Variants in C10orf90 observed in about 807,000 individuals in gnomAD.
C10orf90 encodes (E2-independent) E3 ubiquitin-conjugating enzyme FATS.
In C10orf90, 56 loss-of-function variants were observed where a neutral mutation model predicts 62.5. The observed-to-expected ratio is 0.90, with a 90% CI of 0.72 to 1.12. The LOEUF (loss-of-function observed/expected upper bound fraction) is 1.12. Ranked by LOEUF, C10orf90 falls within the 50% of genes most tolerant of loss-of-function variation. The pLI, the probability that C10orf90 is intolerant of heterozygous loss-of-function variation, is 0.00. For missense variants in C10orf90, 970 were observed against 880.4 expected, an observed-to-expected ratio of 1.10 and a Z score of -1.29; for synonymous variants, 386 against 340.4, an observed-to-expected ratio of 1.13 and a Z score of -1.47.
intron 2 of C10orf90, among the ~76,000 whole-genome samples, chr10:126,517,681 G>A (rs927347420): frequency 6.6e-6 from 1 of 152,140 alleles, no homozygotes; most frequent in African/African-American, 2.4e-5. Flanking sequence ...GGAGGCCAAG[G>A]CAGGTGGATC....
chr10:126,665,486 C>T lies in C10orf90; in HGVS notation c.240+4755G>A, dbSNP rs190107115. 9.0e-4 allele frequency among the ~76,000 whole-genome samples: 137 copies of T among 152,290 alleles called. 1 individual carries two copies. The highest frequency in any genetic ancestry group is 3.0e-3 in the African/African-American group (125 of 41,566). On this transcript the variant is annotated intron_variant, in intron 1 of 9. Transcript: ENST00000488181. ...ACAAGACTGAACGGTGTACTCCAAC[C>T]ACTGGAAAACATTCATCAAAGCCCA...
At chr10:126,568,559 G>T (rs888871458) in intron 2 of C10orf90, among the ~76,000 whole-genome samples, 1 of 152,074 alleles carries the variant, frequency 6.6e-6, no homozygotes, top group African/African-American at 2.4e-5. Flanking sequence ...AATCTCTTTC[G>T]ATTAACTCAA....
chr10:126,574,302 A>G (rs1312251956), intron 2 of C10orf90, among the ~76,000 whole-genome samples: 1 of 152,190 alleles, frequency 6.6e-6, no homozygotes, highest in Non-Finnish European at 1.5e-5. Flanking sequence ...ATGTATAAAG[A>G]GTTTCTAAAA....
chr10:126,649,865 T>C (rs746249452), intron 1 of C10orf90, among the ~76,000 whole-genome samples: 1 of 151,678 alleles, frequency 6.6e-6, no homozygotes, highest in Non-Finnish European at 1.5e-5. Flanking sequence ...TCCAGCACCA[T>C]GGTGGGTGTT....
intron 1 of C10orf90, among the ~76,000 whole-genome samples, chr10:126,667,798 G>C (rs1016163096): frequency 2.0e-5 from 3 of 152,198 alleles, no homozygotes; most frequent in African/African-American, 7.2e-5. Context: ...ATTGATGTCT[G>C]AAATTCATCA....
chr10:126,557,204 G>A (rs898850785), intron 2 of C10orf90, among the ~76,000 whole-genome samples: 8 of 152,020 alleles, frequency 5.3e-5, no homozygotes, highest in Admixed American at 6.5e-5. Flanking sequence ...AAATGTGGCC[G>A]GGTGCGGTGG....
At chr10:126,630,702 A>AT (rs1845835019) in intron 2 of C10orf90, among the ~76,000 whole-genome samples, 1 of 152,184 alleles carries the variant, frequency 6.6e-6, no homozygotes, top group African/African-American at 2.4e-5. Flanking sequence ...TAGAGAGGTT[A>AT]TTTAACCTCT....
At chr10:126,564,947 A>T (rs184417984) in intron 2 of C10orf90, among the ~76,000 whole-genome samples, 13 of 5,124 alleles carry the variant, frequency 2.5e-3, no homozygotes, top group Non-Finnish European at 4.9e-3. Context: ...AAATATATAT[A>T]ATATATAAAA....
At chr10:126,656,131 T>C (rs546637972) in intron 1 of C10orf90, among the ~76,000 whole-genome samples, 5 of 152,292 alleles carry the variant, frequency 3.3e-5, no homozygotes, top group African/African-American at 9.6e-5. Flanking sequence ...AGCCACACCA[T>C]GGAGTGCTTA....
At chr10:126,503,582 G>C (rs570531693) in intron 4 of C10orf90, among the ~76,000 whole-genome samples, 1 of 152,122 alleles carries the variant, frequency 6.6e-6, no homozygotes, top group Non-Finnish European at 1.5e-5. Flanking sequence ...CAGATGTTTG[G>C]CGAGAGAGAT....
chr10:126,664,980 T>C (rs1846596922), intron 1 of C10orf90, among the ~76,000 whole-genome samples: 1 of 152,184 alleles, frequency 6.6e-6, no homozygotes, highest in African/African-American at 2.4e-5. Flanking sequence ...GGACTTCTCA[T>C]GTCTGCATTT....
intron 2 of C10orf90, among the ~76,000 whole-genome samples, chr10:126,528,871 C>T (rs959318684): frequency 6.6e-6 from 1 of 152,150 alleles, no homozygotes; most frequent in African/African-American, 2.4e-5. Flanking sequence ...AGGTAGGCAG[C>T]AGTTATCAAC....
chr10:126,442,094 T>G (rs1423593657), intron 7 of C10orf90, among the ~76,000 whole-genome samples: 1 of 152,060 alleles, frequency 6.6e-6, no homozygotes, highest in African/African-American at 2.4e-5. Context: ...AATGCTCCAC[T>G]TAAAAGATAT....
At chr10:126,621,888 A>G (rs1487428239) in intron 2 of C10orf90, among the ~76,000 whole-genome samples, 6 of 152,184 alleles carry the variant, frequency 3.9e-5, no homozygotes, top group Non-Finnish European at 7.3e-5. Flanking sequence ...TATTGAATGC[A>G]CTGCACTCTC....
intron 1 of C10orf90, among the ~76,000 whole-genome samples, chr10:126,670,035 G>C (rs562992197): frequency 6.6e-6 from 1 of 152,086 alleles, no homozygotes. Flanking sequence ...AACTTCATCC[G>C]ATATACTTTC....
chr10:126,449,433 C>T (rs1156637681), intron 7 of C10orf90, among the ~76,000 whole-genome samples: 1 of 152,068 alleles, frequency 6.6e-6, no homozygotes, highest in Non-Finnish European at 1.5e-5. Context: ...TAACATCATA[C>T]TCAATGATGA....
At chr10:126,539,030 C>G (rs1864313099) in intron 2 of C10orf90, among the ~76,000 whole-genome samples, 1 of 152,200 alleles carries the variant, frequency 6.6e-6, no homozygotes, top group African/African-American at 2.4e-5. Context: ...GCAAAATTAG[C>G]TTTGAAGTTG....
chr10:126,611,290 G>A (rs1048771901), intron 2 of C10orf90, among the ~76,000 whole-genome samples: 4 of 152,112 alleles, frequency 2.6e-5, no homozygotes, highest in African/African-American at 9.7e-5. Context: ...TTAGCATAAT[G>A]TACTCAAGAT....
intron 2 of C10orf90, among the ~76,000 whole-genome samples, chr10:126,620,424 T>A (rs796290964): frequency 4.6e-5 from 7 of 152,320 alleles, no homozygotes; most frequent in African/African-American, 1.7e-4. Flanking sequence ...ACTGTCCTGA[T>A]TACTCTGGCG....
Sources: allele counts gnomAD v4.1 joint callset (sites outside exome capture counted in the v4.1 genomes callset), GRCh38; gene constraint gnomAD v4.1.1; transcripts MANE v1.5; gene names NCBI Gene and HGNC (gene_info 2026-07-23, HGNC 2026-07-21).